The following DNAH3 variants were observed in gnomAD, a reference collection of about 807,000 sequenced individuals.
DNAH3 encodes the protein axonemal beta dynein heavy chain 3.
Under a neutral mutation model 432.5 loss-of-function variants are expected in DNAH3, and 332 were observed. The ratio of observed to expected loss-of-function variants is 0.77; its 90% CI spans 0.70 to 0.84. The LOEUF is 0.84. Among genes scored for constraint, DNAH3 ranks in the 40% least tolerant of loss-of-function variants. The pLI is 0.00. For synonymous variants in DNAH3, 1,956 were observed against 1,900.2 expected, an observed-to-expected ratio of 1.03 and a Z score of -0.76; for missense variants, 4,861 against 5,114.0, an observed-to-expected ratio of 0.95 and a Z score of 1.51.
chr16:20,970,129 T>G lies in DNAH3; in HGVS notation c.8260-139A>C, dbSNP rs138997060. On this transcript the variant is annotated intron_variant, in intron 51 of 61. Coordinates refer to ENST00000261383, the Ensembl canonical transcript of DNAH3. Reference sequence around the variant, plus strand: ...TACCCTTTAACATGGTGCCTGCCGCTGGAGCTGGACAATGGCTCTGACCGT... The same window carrying G: ...TACCCTTTAACATGGTGCCTGCCGCGGGAGCTGGACAATGGCTCTGACCGT... 2.2e-3 allele frequency: 1,709 copies of G among 790,898 alleles called. 43 individuals are homozygous for G. The East Asian group carries it at 0.043, about 20-fold the overall frequency. 49.0% of individuals were successfully genotyped at this position (790,898 alleles called of 1,614,324 possible). A position where few individuals can be genotyped will look rare whatever the true frequency, so the allele number is the denominator to read the frequency against.
At chr16:20,978,246 G>A (rs1297317262) in intron 50 of DNAH3, among the ~76,000 whole-genome samples, 1 of 152,118 alleles carries the variant, frequency 6.6e-6, no homozygotes, top group East Asian at 1.9e-4. Context: ...AAGGGACAAG[G>A]TGGCCGGGCG....
chr16:21,153,688 A>T (rs969241108), intron 1 of DNAH3, among the ~76,000 whole-genome samples: 7 of 152,094 alleles, frequency 4.6e-5, no homozygotes, highest in Non-Finnish European at 8.8e-5. Flanking sequence ...AACCCACCAG[A>T]AGGAAGAAAC....
chr16:21,153,987 T>G (rs1438351726), intron 1 of DNAH3, among the ~76,000 whole-genome samples: 2 of 152,250 alleles, frequency 1.3e-5, no homozygotes, highest in African/African-American at 2.4e-5. Context: ...TTGGAATAAT[T>G]GAGACAGTGG....
At chr16:20,952,319 G>A (rs1195981161) in intron 56 of DNAH3, 114 bp downstream of exon 56, 3 of 694,804 alleles carry the variant, frequency 4.3e-6, no homozygotes, top group Non-Finnish European at 2.7e-6. Context: ...AGAGCTCGAT[G>A]TTTATGGTGA....
At position 20,977,147 on chromosome 16, in the gene DNAH3, G is replaced by A. The variant is rs568967248; in HGVS notation, c.8077-1732C>T. ...CCCAGCACTTTGGGAGGCTGAGGTG[G>A]GCAGATCACTTGAGGTCTCAGGAGG... On this transcript the variant is annotated intron_variant, in intron 50 of 61. Transcript: ENST00000261383. Among the ~76,000 whole-genome samples the A allele has an allele frequency of 2.0e-5, 3 of 152,196 alleles. No homozygotes were observed. The South Asian group carries it at 6.2e-4, about 32-fold the overall frequency.
chr16:20,991,094 G>A (rs915833762), intron 44 of DNAH3, among the ~76,000 whole-genome samples: 2 of 152,056 alleles, frequency 1.3e-5, no homozygotes, highest in African/African-American at 4.8e-5. Flanking sequence ...AAAGCCTCTC[G>A]ACAGAGCCCA....
chr16:21,126,964 T>C (rs772218959), intron 8 of DNAH3, among the ~76,000 whole-genome samples: 2 of 151,982 alleles, frequency 1.3e-5, no homozygotes, highest in Non-Finnish European at 2.9e-5. Flanking sequence ...TGTTTCTACA[T>C]TATGGTGAGT....
At position 21,116,498 on chromosome 16, in the gene DNAH3, G is replaced by A. The variant is rs533553577; in HGVS notation, c.1814+705C>T. On this transcript the variant is annotated intron_variant, in intron 12 of 61. Coordinates refer to ENST00000261383, the Ensembl canonical transcript of DNAH3. Reference sequence around the variant, plus strand: ...GCTTCCCCTTTTGCCACGACCGACCGACCATAAGTTTCCTGAGGCCACCCC... The same window carrying A: ...GCTTCCCCTTTTGCCACGACCGACCAACCATAAGTTTCCTGAGGCCACCCC... 7.9e-5 allele frequency among the ~76,000 whole-genome samples: 12 copies of A among 152,170 alleles called. No homozygotes were observed. The East Asian group carries it at 1.5e-3, about 20-fold the overall frequency.
intron 21 of DNAH3, 141 bp downstream of exon 21, chr16:21,075,306 G>A (rs1376754529): frequency 3.0e-6 from 2 of 663,822 alleles, no homozygotes; most frequent in African/African-American, 1.8e-5. Context: ...ACACAGAAAG[G>A]CAGACAGTAG....
At chr16:20,997,413 G>T (rs761665261) in exon 44 of DNAH3, 2 of 1,614,180 alleles carry the variant, frequency 1.2e-6, no homozygotes, top group Non-Finnish European at 1.7e-6. Context: ...TCAGGAGCTC[G>T]ATGGGTGGCT....
chr16:21,060,580 A>G, intron 25 of DNAH3, among the ~76,000 whole-genome samples: 2 of 129,914 alleles, frequency 1.5e-5, no homozygotes, highest in Non-Finnish European at 3.1e-5. Context: ...GCTGGAGTGC[A>G]CTGTCATGAT....
At chr16:21,131,927 G>T (rs2092570841) in intron 7 of DNAH3, among the ~76,000 whole-genome samples, 1 of 151,362 alleles carries the variant, frequency 6.6e-6, no homozygotes, top group South Asian at 2.1e-4. Flanking sequence ...AGTCACAGAG[G>T]GATTAATTTC....
Position 21,062,899 on chromosome 16 carries a change from G to A in DNAH3, c.3519-216C>T, listed in dbSNP as rs2090412989. 38 of 535,014 alleles carry A rather than the reference G, an allele frequency of 7.1e-5. 1 individual carries two copies. In the South Asian group the frequency reaches 8.0e-4, roughly 11 times the overall value. The allele number at this position is 535,014 out of a possible 1,614,324, so 33.1% of individuals were successfully genotyped here. On this transcript the variant is annotated intron_variant, in intron 24 of 61. Coordinates refer to ENST00000261383, the Ensembl canonical transcript of DNAH3. ...GATGAGGTCTTGCCATATTGCCCAG[G>A]CTAGACTTGAACTCCTGGGCTCAAG...
At chr16:21,148,073 A>C (rs2152834176) in intron 1 of DNAH3, among the ~76,000 whole-genome samples, 1 of 152,244 alleles carries the variant, frequency 6.6e-6, no homozygotes, top group Middle Eastern at 3.4e-3. Context: ...TATCAGTGTG[A>C]TTTATTTGGG....
chr16:20,985,109 G>A (rs766298044), exon 48 of DNAH3: 13 of 1,613,920 alleles, frequency 8.1e-6, no homozygotes, highest in Admixed American at 5.0e-5. Flanking sequence ...ATAGAAAGAG[G>A]AGTGACTTCA....
At chr16:21,019,559 G>C in intron 41 of DNAH3, 65 bp downstream of exon 41, 1 of 1,576,920 alleles carries the variant, frequency 6.3e-7, no homozygotes, top group East Asian at 2.2e-5. Context: ...TGCACATTCT[G>C]GTTGTGTTTA....
At chr16:20,965,275 T>G in exon 53 of DNAH3, 1 of 1,613,672 alleles carries the variant, frequency 6.2e-7, no homozygotes, top group Non-Finnish European at 8.5e-7. Context: ...GACAGCTGGC[T>G]GGAATTCCGG....
In DNAH3 at chr16:21,117,557, C is replaced by T. The variant is rs115813692; in HGVS notation, c.1700-240G>A. Among the ~76,000 whole-genome samples, 988 of 152,248 alleles carry T rather than the reference C, an allele frequency of 6.5e-3. 9 individuals carry two copies. The highest frequency in any genetic ancestry group is 0.022 in the African/African-American group (919 of 41,522). On this transcript the variant is annotated intron_variant, in intron 11 of 61. Coordinates refer to ENST00000261383, the Ensembl canonical transcript of DNAH3. ...ATTACTCATCTTTCAAATCCCTGAC[C>T]TTTCAAGGGTCTTGTCCTTTGAGAG...
At chr16:21,110,550 T>A (rs2092046271) in intron 14 of DNAH3, among the ~76,000 whole-genome samples, 1 of 152,150 alleles carries the variant, frequency 6.6e-6, no homozygotes, top group Admixed American at 6.6e-5. Flanking sequence ...AATTGCAGCA[T>A]TGAGGGCCTG....
Sources: gnomAD v4.1 joint callset for allele counts (sites outside exome capture counted in the v4.1 genomes callset) on GRCh38, gnomAD v4.1.1 for gene constraint, MANE v1.5 for transcripts, NCBI Gene and HGNC (gene_info 2026-07-23, HGNC 2026-07-21) for gene names.